ZNF480: variants seen among roughly 807,000 people sequenced by gnomAD.
The protein encoded by ZNF480 is zinc finger protein 480.
Under a neutral mutation model 14.4 loss-of-function variants are expected in ZNF480, and 15 were observed. That is an observed-to-expected ratio of 1.04 (90% CI 0.70 to 1.60). The LOEUF (loss-of-function observed/expected upper bound fraction) is 1.60. ZNF480 is among the 40% of genes most tolerant of loss of function. The pLI is 0.00. For missense variants in ZNF480, 593 were observed against 629.7 expected (o/e 0.94, Z 0.62); for synonymous variants, 218 against 215.5 (o/e 1.01, Z -0.10).
chr19:52,321,070 C>T (rs920661967), intron 4 of ZNF480, among the ~76,000 whole-genome samples: 3 of 144,004 alleles, frequency 2.1e-5, no homozygotes, highest in Non-Finnish European at 3.1e-5. Flanking sequence ...CCATATTTCT[C>T]TTTCCTTTCA....
chr19:52,309,815 A>G (rs1040539021), intron 2 of ZNF480, among the ~76,000 whole-genome samples: 3 of 152,014 alleles, frequency 2.0e-5, no homozygotes, highest in Non-Finnish European at 2.9e-5. Flanking sequence ...TTGTGTCCAC[A>G]TGGATTCAAA....
At chr19:52,318,131 G>C (rs889927041) in intron 4 of ZNF480, among the ~76,000 whole-genome samples, 2 of 150,636 alleles carry the variant, frequency 1.3e-5, no homozygotes, top group South Asian at 2.1e-4. Flanking sequence ...TTTTTGAGAC[G>C]GAGTCTTGCT....
chr19:52,305,675 G>T (rs779396153), intron 2 of ZNF480, among the ~76,000 whole-genome samples: 1 of 152,226 alleles, frequency 6.6e-6, no homozygotes, highest in South Asian at 2.1e-4. Context: ...CACTTTTTGC[G>T]GGGGTTCCTC....
chr19:52,299,227 T>C (rs1001144550), intron 1 of ZNF480, among the ~76,000 whole-genome samples: 1 of 152,196 alleles, frequency 6.6e-6, no homozygotes, highest in Admixed American at 6.5e-5. Flanking sequence ...AAAGTGTTTT[T>C]CCTACTCTTG....
chr19:52,316,910 T>C (rs1706605621), intron 4 of ZNF480, among the ~76,000 whole-genome samples: 2 of 152,210 alleles, frequency 1.3e-5, no homozygotes, highest in Non-Finnish European at 2.9e-5. Flanking sequence ...ATAATATTCT[T>C]CTATTTGTCT....
In ZNF480 at chr19:52,323,585, A is replaced by G. The variant is rs1025135915; in HGVS notation, c.*727A>G. 1.3e-5 allele frequency: 2 copies of G among 152,180 alleles called. No individual in the cohort carries two copies. Among genetic ancestry groups the G allele is most frequent in the African/African-American group, 2.4e-5 (1 of 41,444 alleles). The allele number at this position is 152,180 out of a possible 1,614,324, so 9.4% of individuals were successfully genotyped here. On this transcript the variant is annotated 3_prime_UTR_variant, in exon 5 of 5. Transcript: ENST00000595962. ...AGTAAACCAAATCCATCTGCACATCAAAAAGCTAATCCAACATTATCAAGC... is the reference window on the plus strand; with the variant it reads ...AGTAAACCAAATCCATCTGCACATCGAAAAGCTAATCCAACATTATCAAGC...
chr19:52,306,849 C>T (rs192822146), intron 2 of ZNF480, among the ~76,000 whole-genome samples: 133 of 152,120 alleles, frequency 8.7e-4, no homozygotes, highest in Middle Eastern at 3.4e-3. Flanking sequence ...AGGCGCTGCT[C>T]GAACAGTCAC....
intron 2 of ZNF480, chr19:52,313,776 C>G: frequency 2.3e-6 from 1 of 441,036 alleles, no homozygotes; most frequent in South Asian, 1.6e-5. Flanking sequence ...GACAAGAGTT[C>G]AAGACCAGCC....
chr19:52,301,447 T>A (rs1036645768), intron 2 of ZNF480: 5 of 152,242 alleles, frequency 3.3e-5, no homozygotes, highest in Non-Finnish European at 5.9e-5. Flanking sequence ...CTACTCATGC[T>A]CTGTTTCATT....
rs148487170 is a variant in ZNF480, at chr19:52,303,599, A to G, written c.72+3115A>G. On this transcript the variant is annotated intron_variant, in intron 2 of 4. Coordinates refer to ENST00000595962, the MANE Select transcript of ZNF480 (RefSeq NM_144684.4). ...ACAGTAACACCAGTAGGTGAATGCTAAGTTGGAAAAATCAATAAATCTAAA... is the reference window on the plus strand; with the variant it reads ...ACAGTAACACCAGTAGGTGAATGCTGAGTTGGAAAAATCAATAAATCTAAA... 5.7e-3 allele frequency among the ~76,000 whole-genome samples: 871 copies of G among 152,340 alleles called. 11 individuals carry two copies. Among genetic ancestry groups the G allele is most frequent in the East Asian group, 0.029 (148 of 5,182 alleles).
chr19:52,302,095 G>A, intron 2 of ZNF480: 1 of 244,914 alleles, frequency 4.1e-6, no homozygotes. Context: ...GGTTTCAGGT[G>A]TCTTAATGGT....
chr19:52,299,178 G>T (rs1399373966), intron 1 of ZNF480, among the ~76,000 whole-genome samples: 1 of 152,154 alleles, frequency 6.6e-6, no homozygotes, highest in Non-Finnish European at 1.5e-5. Context: ...CCTGGGATGG[G>T]GTAGGGTGTG....
intron 3 of ZNF480, among the ~76,000 whole-genome samples, chr19:52,314,965 A>G (rs1183010502): frequency 6.6e-6 from 1 of 151,966 alleles, no homozygotes; most frequent in Non-Finnish European, 1.5e-5. Context: ...GTATGCATAA[A>G]ACCTTTTTTG....
At chr19:52,298,554 C>T (rs560434980) in intron 1 of ZNF480, among the ~76,000 whole-genome samples, 1 of 151,942 alleles carries the variant, frequency 6.6e-6, no homozygotes, top group South Asian at 2.1e-4. Context: ...TTGCTTGAAC[C>T]CGGGAGGCGG....
intron 1 of ZNF480, among the ~76,000 whole-genome samples, chr19:52,300,175 C>T (rs754122362): frequency 9.9e-5 from 15 of 152,148 alleles, no homozygotes; most frequent in South Asian, 4.1e-4. Context: ...CTGCAGCGTG[C>T]GTGTGGGCAT....
intron 2 of ZNF480, among the ~76,000 whole-genome samples, chr19:52,304,093 C>G (rs1383620007): frequency 3.9e-5 from 6 of 152,156 alleles, no homozygotes; most frequent in African/African-American, 1.4e-4. Flanking sequence ...GGTTCAATTG[C>G]TTGTTCTACA....
At chr19:52,304,678 C>T (rs746071539) in intron 2 of ZNF480, among the ~76,000 whole-genome samples, 1 of 151,948 alleles carries the variant, frequency 6.6e-6, no homozygotes, top group African/African-American at 2.4e-5. Context: ...TAATCCCATG[C>T]CAGGCACATA....
chr19:52,311,837 G>A (rs985627268), intron 2 of ZNF480, among the ~76,000 whole-genome samples: 8 of 152,026 alleles, frequency 5.3e-5, no homozygotes, highest in African/African-American at 1.9e-4. Flanking sequence ...GATGACAAAT[G>A]TCATCTAAAA....
chr19:52,315,316 A>C (rs530836237), intron 3 of ZNF480, among the ~76,000 whole-genome samples: 15 of 147,946 alleles, frequency 1.0e-4, no homozygotes, highest in Admixed American at 4.0e-4. Flanking sequence ...GCTTTGTTTT[A>C]TGTTTTGTTT....
Sources: gnomAD v4.1 joint callset for allele counts (sites outside exome capture counted in the v4.1 genomes callset) on GRCh38, gnomAD v4.1.1 for gene constraint, MANE v1.5 for transcripts, NCBI Gene and HGNC (gene_info 2026-07-23, HGNC 2026-07-21) for gene names.